Variants in RASA1 observed in about 807,000 individuals in gnomAD.
RASA1 encodes the protein RAS p21 protein activator 1.
RASA1 carries 25 observed loss-of-function variants against 132.2 expected under a neutral mutation model. That is an observed-to-expected ratio of 0.19 (90% confidence interval 0.14 to 0.26). The LOEUF is 0.26. RASA1 is among the 10% of genes least tolerant of loss of function. The pLI, the probability that RASA1 is intolerant of heterozygous loss-of-function variation, is 1.00. For missense variants in RASA1, 964 were observed against 1,299.2 expected (o/e 0.74, Z 3.97); for synonymous variants, 477 against 449.9 (o/e 1.06, Z -0.76).
intron 20 of RASA1, 37 bp from the exon 21 acceptor site, chr5:87,383,676 T>G: frequency 7.1e-7 from 1 of 1,400,890 alleles, no homozygotes; most frequent in Non-Finnish European, 1.0e-6. Flanking sequence ...ATAGGTGTTT[T>G]CTAAAAAAAA....
At chr5:87,360,502 G>C (rs1760006731) in intron 9 of RASA1, among the ~76,000 whole-genome samples, 1 of 152,110 alleles carries the variant, frequency 6.6e-6, no homozygotes, top group Non-Finnish European at 1.5e-5. Context: ...TTTTTGTTTA[G>C]ATTTTAAAAC....
At position 87,268,260 on chromosome 5, in the gene RASA1, C is replaced by T; in HGVS notation, c.-192C>T. On this transcript the variant is annotated 5_prime_UTR_variant, in exon 1 of 25. Transcript: ENST00000274376. ...TTTGCCCACTTGGCTTCCCGTAACC[C>T]AGGCAGCTGGGGAGCCTGGGCTGTG... 1 of 833,870 alleles carries T rather than the reference C, an allele frequency of 1.2e-6. No homozygotes were observed. The highest frequency in any genetic ancestry group is 1.8e-6 in the Non-Finnish European group (1 of 560,162). 51.7% of individuals were successfully genotyped at this position (833,870 alleles called of 1,614,324 possible). A position where few individuals can be genotyped will look rare whatever the true frequency, so the allele number is the denominator to read the frequency against.
chr5:87,387,606 C>T (rs1233119917), intron 23 of RASA1, among the ~76,000 whole-genome samples: 1 of 151,940 alleles, frequency 6.6e-6, no homozygotes, highest in Non-Finnish European at 1.5e-5. Context: ...TAAGGCATGG[C>T]ATTAGGGAGT....
intron 1 of RASA1, among the ~76,000 whole-genome samples, chr5:87,301,234 A>G (rs1344329413): frequency 6.6e-6 from 1 of 152,218 alleles, no homozygotes; most frequent in South Asian, 2.1e-4. Flanking sequence ...ATTACATATA[A>G]TATATATGCA....
chr5:87,298,212 A>G (rs1037807134), intron 1 of RASA1, among the ~76,000 whole-genome samples: 1 of 151,980 alleles, frequency 6.6e-6, no homozygotes, highest in African/African-American at 2.4e-5. Flanking sequence ...GATCGAGACC[A>G]TCCTGGCTAA....
chr5:87,381,983 GCT>G (rs1216960928), intron 20 of RASA1, among the ~76,000 whole-genome samples: 2 of 152,108 alleles, frequency 1.3e-5, no homozygotes, highest in Admixed American at 1.3e-4. Flanking sequence ...ACAGGGTCTT[GCT>G]CTGTTGCCCA....
chr5:87,304,522 C>T (rs932256364), intron 1 of RASA1, among the ~76,000 whole-genome samples: 1 of 150,214 alleles, frequency 6.7e-6, no homozygotes. Flanking sequence ...GGCCGGAGTA[C>T]AGTGCTACAA....
chr5:87,360,373 C>T (rs1207154216), intron 9 of RASA1, among the ~76,000 whole-genome samples: 1 of 152,146 alleles, frequency 6.6e-6, no homozygotes, highest in African/African-American at 2.4e-5. Flanking sequence ...ATGTGCCCGC[C>T]TCGGCCTCCT....
At position 87,338,649 on chromosome 5, in the gene RASA1, G is replaced by A. The variant is rs1223475070; in HGVS notation, c.1017+558G>A. Among the ~76,000 whole-genome samples, 4 of 150,104 alleles carry A rather than the reference G, an allele frequency of 2.7e-5. No individual in the cohort carries two copies. In the East Asian group the frequency reaches 7.8e-4, roughly 29 times the overall value. ...AGCCTCCCAAAGTACTGGGATGACA[G>A]GCATGAGCCACAGTGCCCGGCCTAT... On this transcript the variant is annotated intron_variant, in intron 5 of 24. Coordinates refer to ENST00000274376, the MANE Select transcript of RASA1 (RefSeq NM_002890.3).
intron 1 of RASA1, among the ~76,000 whole-genome samples, chr5:87,317,190 C>A (rs1406806607): frequency 6.6e-6 from 1 of 152,084 alleles, no homozygotes; most frequent in African/African-American, 2.4e-5. Context: ...GCGGATACCA[C>A]AAATTTGTGG....
rs190156180 is a variant in RASA1, at chr5:87,320,669, C to T, written c.540-10679C>T. ...GATTCAATCACCTACCACCAGGTCC[C>T]TCCCCCAACACTGGGAGTAACAGTT... is the stretch of plus-strand genomic sequence containing the variant. On this transcript the variant is annotated intron_variant, in intron 1 of 24. Transcript: ENST00000274376. Among the ~76,000 whole-genome samples, 229 of 152,310 alleles carry T rather than the reference C, an allele frequency of 1.5e-3. 1 individual carries two copies. The highest frequency in any genetic ancestry group is 0.01 in the Middle Eastern group (3 of 294).
chr5:87,349,220 A>G lies in RASA1; in HGVS notation c.1109A>G (p.Gln370Arg), dbSNP rs1258057400. 1 of 1,611,804 alleles carries G rather than the reference A, an allele frequency of 6.2e-7. No homozygotes were observed. Among genetic ancestry groups the G allele is most frequent in the African/African-American group, 1.3e-5 (1 of 74,942 alleles). ...EAYNLLMTVGQVCSFLVRPSD... is the reference protein window; with the variant it reads ...EAYNLLMTVGRVCSFLVRPSD... ...AACAGCTTAATTCTTACAGTTGGTC[A>G]AGTCTGCAGTTTTCTTGTGAGGCCC... The change falls in exon 8 of 25, where the codon CAA (glutamine) becomes CGA (arginine). Residue 370 changes from glutamine to arginine, a missense_variant. By Grantham distance (43) the Gln-to-Arg change is conservative. Coordinates refer to ENST00000274376, the MANE Select transcript of RASA1 (RefSeq NM_002890.3).
At chr5:87,321,258 C>G (rs1437060021) in intron 1 of RASA1, among the ~76,000 whole-genome samples, 1 of 152,214 alleles carries the variant, frequency 6.6e-6, no homozygotes, top group Non-Finnish European at 1.5e-5. Context: ...TGCTCTTACA[C>G]CACAACAATC....
chr5:87,374,130 G>GT (rs1761145197), intron 13 of RASA1, 33 bp from the exon 14 acceptor site: 5 of 1,304,588 alleles, frequency 3.8e-6, no homozygotes, highest in African/African-American at 1.6e-5. Flanking sequence ...GAAATCTGGG[G>GT]TAATATATAT....
intron 1 of RASA1, among the ~76,000 whole-genome samples, chr5:87,276,421 T>C (rs1037051612): frequency 1.3e-5 from 2 of 152,222 alleles, no homozygotes; most frequent in African/African-American, 4.8e-5. Context: ...TTGATAACTA[T>C]GTATGTCTTG....
intron 9 of RASA1, among the ~76,000 whole-genome samples, chr5:87,358,806 T>C (rs1759851714): frequency 6.6e-6 from 1 of 152,120 alleles, no homozygotes; most frequent in Admixed American, 6.6e-5. Context: ...TGTATTATTA[T>C]TTGTAAATAA....
chr5:87,299,597 TA>T (rs1755271280), intron 1 of RASA1: 1 of 152,134 alleles, frequency 6.6e-6, no homozygotes, highest in Non-Finnish European at 1.5e-5. Flanking sequence ...GTGAAGTAAT[TA>T]CTACAGTCAA....
chr5:87,294,965 A>G (rs977270851), intron 1 of RASA1, among the ~76,000 whole-genome samples: 1 of 152,144 alleles, frequency 6.6e-6, no homozygotes, highest in Non-Finnish European at 1.5e-5. Context: ...CAACTCTAAT[A>G]GTGCATTTAT....
intron 1 of RASA1, among the ~76,000 whole-genome samples, chr5:87,316,565 T>C (rs1486671094): frequency 6.6e-6 from 1 of 152,194 alleles, no homozygotes; most frequent in East Asian, 1.9e-4. Flanking sequence ...ATATCTTTCT[T>C]CTCTGAAATT....
Sources: gnomAD v4.1 joint callset for allele counts (sites outside exome capture counted in the v4.1 genomes callset) on GRCh38, gnomAD v4.1.1 for gene constraint, MANE v1.5 for transcripts, NCBI Gene and HGNC (gene_info 2026-07-23, HGNC 2026-07-21) for gene names.